The following PALM2AKAP2 variants were observed in gnomAD, a reference collection of about 807,000 sequenced individuals.
PALM2AKAP2 encodes the protein PALM2-AKAP2 fusion protein.
A neutral mutation model predicts 71.5 loss-of-function variants in PALM2AKAP2; 37 were observed. That is an observed-to-expected ratio of 0.52 (90% CI 0.40 to 0.68). The LOEUF is 0.68. Ranked by LOEUF, PALM2AKAP2 falls within the 30% of genes least tolerant of loss-of-function variation. The pLI, the probability that PALM2AKAP2 is intolerant of heterozygous loss-of-function variation, is 0.00. For synonymous variants in PALM2AKAP2, 468 were observed against 478.8 expected, an observed-to-expected ratio of 0.98 and a Z score of 0.29; for missense variants, 1,224 against 1,191.8, an observed-to-expected ratio of 1.03 and a Z score of -0.40.
At chr9:109,762,431 G>A (rs1010271069) in intron 1 of PALM2AKAP2, among the ~76,000 whole-genome samples, 1 of 152,122 alleles carries the variant, frequency 6.6e-6, no homozygotes, top group African/African-American at 2.4e-5. Flanking sequence ...CCATCCTAGA[G>A]TATAAGAAAA....
At chr9:109,995,977 C>G (rs934680316) in intron 6 of PALM2AKAP2, among the ~76,000 whole-genome samples, 1 of 152,216 alleles carries the variant, frequency 6.6e-6, no homozygotes, top group Non-Finnish European at 1.5e-5. Context: ...GCTCTCCACT[C>G]TGCCTTCAGC....
intron 3 of PALM2AKAP2, among the ~76,000 whole-genome samples, chr9:109,911,520 C>T (rs1830569412): frequency 6.6e-6 from 1 of 152,150 alleles, no homozygotes; most frequent in African/African-American, 2.4e-5. Context: ...ACATCACCAT[C>T]AATAATGAAA....
At chr9:109,646,149 G>A (rs1013134786) in intron 1 of PALM2AKAP2, among the ~76,000 whole-genome samples, 2 of 152,174 alleles carry the variant, frequency 1.3e-5, no homozygotes, top group African/African-American at 2.4e-5. Flanking sequence ...AGAAGGTAGG[G>A]TTGGTGTCAT....
intron 1 of PALM2AKAP2, among the ~76,000 whole-genome samples, chr9:109,682,914 A>G (rs917436751): frequency 2.6e-5 from 4 of 152,198 alleles, no homozygotes; most frequent in African/African-American, 9.7e-5. Flanking sequence ...GAGTCTTCGC[A>G]GAGGTAATTA....
chr9:110,048,678 C>G (rs756568687), upstream of PALM2AKAP2: 26 of 1,516,524 alleles, frequency 1.7e-5, no homozygotes, highest in East Asian at 2.6e-5. Context: ...CCAGCGCGCC[C>G]GGAGGCTACC....
chr9:109,711,401 T>G (rs1828233925), intron 1 of PALM2AKAP2, among the ~76,000 whole-genome samples: 1 of 152,154 alleles, frequency 6.6e-6, no homozygotes, highest in Non-Finnish European at 1.5e-5. Context: ...GTTACTGGAG[T>G]CTCACAGATC....
At chr9:110,121,652 T>C (rs1215076422) in intron 1 of PALM2AKAP2, among the ~76,000 whole-genome samples, 2 of 152,216 alleles carry the variant, frequency 1.3e-5, no homozygotes, top group East Asian at 3.8e-4. Flanking sequence ...TCTGTCACAC[T>C]AAGGTGACTG....
At chr9:109,945,061 GCTGT>G (rs1383183274) in intron 6 of PALM2AKAP2, 1 of 151,946 alleles carries the variant, frequency 6.6e-6, no homozygotes, top group African/African-American at 2.4e-5. Flanking sequence ...TATTATAGAA[GCTGT>G]CTAATTTGAC....
Position 110,135,164 on chromosome 9 carries a change from A to AAAAAAAAAAAATAT in PALM2AKAP2, c.157-962_157-961insAAAAAAAAAATATA. 4.7e-3 allele frequency among the ~76,000 whole-genome samples: 241 copies of AAAAAAAAAAAATAT among 51,624 alleles called. 32 individuals are homozygous for AAAAAAAAAAAATAT. The highest frequency in any genetic ancestry group is 7.4e-3 in the Non-Finnish European group (197 of 26,550). The allele number at this position is 51,624 out of a possible 152,430, so 33.9% of individuals were successfully genotyped here. ...AACTCTGTCTCTACAAAAAAAAAAA[A>AAAAAAAAAAAATAT]ATATATAAATATATATATATATATA... On this transcript the variant is annotated intron_variant, in intron 1 of 3. Transcript: ENST00000374525.
chr9:110,039,201 A>T (rs1272805886), intron 7 of PALM2AKAP2, among the ~76,000 whole-genome samples: 2 of 152,186 alleles, frequency 1.3e-5, no homozygotes, highest in Non-Finnish European at 2.9e-5. Flanking sequence ...GTGAGCCATG[A>T]TCATGCTACT....
chr9:110,047,235 C>T (rs1833618538), upstream of PALM2AKAP2, among the ~76,000 whole-genome samples: 1 of 152,032 alleles, frequency 6.6e-6, no homozygotes, highest in South Asian at 2.1e-4. Flanking sequence ...TTCCAAATAC[C>T]AAGATAAAGG....
At chr9:109,686,637 T>A (rs549822083) in intron 1 of PALM2AKAP2, among the ~76,000 whole-genome samples, 40 of 149,170 alleles carry the variant, frequency 2.7e-4, no homozygotes, top group African/African-American at 9.4e-4. Context: ...TTATTTATTT[T>A]ATTTTTTTAC....
intron 1 of PALM2AKAP2, among the ~76,000 whole-genome samples, chr9:110,124,874 A>C (rs1411092261): frequency 6.6e-6 from 1 of 152,220 alleles, no homozygotes; most frequent in Admixed American, 6.5e-5. Context: ...GTGAAATGAT[A>C]TGAGTAAAAA....
chr9:110,111,766 T>C (rs533265865), intron 1 of PALM2AKAP2, among the ~76,000 whole-genome samples: 3 of 152,030 alleles, frequency 2.0e-5, no homozygotes, highest in Non-Finnish European at 4.4e-5. Flanking sequence ...GGAAAAAAAA[T>C]GGAAGGATGA....
intron 1 of PALM2AKAP2, among the ~76,000 whole-genome samples, chr9:110,054,966 A>C (rs923019194): frequency 6.6e-6 from 1 of 152,232 alleles, no homozygotes; most frequent in Non-Finnish European, 1.5e-5. Context: ...CTGATTAAGT[A>C]GCTTTGAACA....
At chr9:110,028,380 G>A (rs1564267983) in intron 7 of PALM2AKAP2, among the ~76,000 whole-genome samples, 1 of 152,092 alleles carries the variant, frequency 6.6e-6, no homozygotes, top group Non-Finnish European at 1.5e-5. Flanking sequence ...TTATTTCTTC[G>A]CTGTGTTCTC....
intron 1 of PALM2AKAP2, among the ~76,000 whole-genome samples, chr9:109,828,330 A>G (rs1828210497): frequency 6.6e-6 from 1 of 152,172 alleles, no homozygotes; most frequent in Non-Finnish European, 1.5e-5. Context: ...ATGTGACTTG[A>G]CCAAAATGCA....
chr9:109,724,377 C>T (rs1339378283), intron 1 of PALM2AKAP2, among the ~76,000 whole-genome samples: 16 of 151,942 alleles, frequency 1.1e-4, no homozygotes, highest in Admixed American at 7.9e-4. Flanking sequence ...TGGTACTTGA[C>T]GAATAGCTTT....
chr9:109,726,002 C>T (rs987159898), intron 1 of PALM2AKAP2, among the ~76,000 whole-genome samples: 1 of 152,220 alleles, frequency 6.6e-6, no homozygotes, highest in African/African-American at 2.4e-5. Flanking sequence ...TAATCTGCCC[C>T]CATGTTTTCA....
Sources: allele counts gnomAD v4.1 joint callset (sites outside exome capture counted in the v4.1 genomes callset), GRCh38; gene constraint gnomAD v4.1.1; transcripts MANE v1.5; gene names NCBI Gene and HGNC (gene_info 2026-07-23, HGNC 2026-07-21).